OSBP2: variants seen among roughly 807,000 people sequenced by gnomAD.
OSBP2 encodes oxysterol-binding protein 2.
Under a neutral mutation model 96.0 loss-of-function variants are expected in OSBP2, and 66 were observed. The observed-to-expected ratio is 0.69, with a 90% CI of 0.56 to 0.84. The LOEUF (loss-of-function observed/expected upper bound fraction) is 0.84, where lower values mean the gene tolerates loss of function less well. OSBP2 is among the 40% of genes least tolerant of loss of function. The pLI is 0.00. For missense variants in OSBP2, 1,038 were observed against 1,222.7 expected, an observed-to-expected ratio of 0.85 and a Z score of 2.25; for synonymous variants, 525 against 520.9, an observed-to-expected ratio of 1.01 and a Z score of -0.11.
At chr22:30,774,780 G>A (rs553451145) in intron 2 of OSBP2, among the ~76,000 whole-genome samples, 9 of 152,216 alleles carry the variant, frequency 5.9e-5, no homozygotes, top group Non-Finnish European at 1.2e-4. Flanking sequence ...ATACATCTGT[G>A]GCACCACTTT....
At chr22:30,761,541 C>CA (rs1300554238) in intron 2 of OSBP2, among the ~76,000 whole-genome samples, 6 of 151,470 alleles carry the variant, frequency 4.0e-5, no homozygotes, top group East Asian at 3.9e-4. Context: ...AATGCAATTC[C>CA]AAAAAAAATC....
chr22:30,754,692 T>A (rs2090119757), intron 2 of OSBP2, among the ~76,000 whole-genome samples: 1 of 152,180 alleles, frequency 6.6e-6, no homozygotes, highest in Admixed American at 6.5e-5. Context: ...TGTGCTGTGC[T>A]GTCCTGCCCC....
intron 2 of OSBP2, among the ~76,000 whole-genome samples, chr22:30,854,998 C>T (rs1447305791): frequency 4.6e-5 from 7 of 152,030 alleles, no homozygotes; most frequent in East Asian, 1.9e-4. Flanking sequence ...ACCATCAGAT[C>T]GCGTGGGAAC....
rs551189319 is a variant in OSBP2, at chr22:30,890,527, G to A, written c.1624-201G>A. ...GTAGGATGCAGCAGACCAGAAAGTG[G>A]GAAGGGCTGTGGAGAAAACAGCCAG... On this transcript the variant is annotated intron_variant, in intron 7 of 13. Transcript: ENST00000332585. The surrounding 1 kb of genome is among the most constrained non-coding windows in gnomAD (Gnocchi z 4.4). 1.3e-5 allele frequency among the ~76,000 whole-genome samples: 2 copies of A among 152,350 alleles called. No homozygotes were observed. Among genetic ancestry groups the A allele is most frequent in the South Asian group, 4.1e-4 (2 of 4,828 alleles).
At chr22:30,730,175 C>A (rs777017022) in intron 1 of OSBP2, among the ~76,000 whole-genome samples, 9 of 152,078 alleles carry the variant, frequency 5.9e-5, no homozygotes, top group Non-Finnish European at 1.0e-4. Flanking sequence ...GTTTCCCAGG[C>A]TAGTCTCAAA....
chr22:30,858,844 A>C (rs1432564414), intron 2 of OSBP2, among the ~76,000 whole-genome samples: 1 of 150,528 alleles, frequency 6.6e-6, no homozygotes, highest in Non-Finnish European at 1.5e-5. Context: ...GTACCACTGC[A>C]CTCCAGGCTG....
chr22:30,846,090 T>C (rs1009425921), intron 2 of OSBP2, among the ~76,000 whole-genome samples: 6 of 152,128 alleles, frequency 3.9e-5, no homozygotes, highest in Non-Finnish European at 7.4e-5. Flanking sequence ...CTGGGTTATA[T>C]AATGACTGCC....
intron 12 of OSBP2, among the ~76,000 whole-genome samples, chr22:30,904,261 C>A (rs1164913951): frequency 6.6e-6 from 1 of 152,176 alleles, no homozygotes; most frequent in African/African-American, 2.4e-5. Flanking sequence ...TTGTTACAAG[C>A]CCTCCGCAAT....
At chr22:30,874,898 C>A (rs2039545250) in intron 3 of OSBP2, among the ~76,000 whole-genome samples, 1 of 152,158 alleles carries the variant, frequency 6.6e-6, no homozygotes, top group Non-Finnish European at 1.5e-5. Context: ...ACCCCGGCTC[C>A]CAGGCATACG....
chr22:30,763,227 A>G (rs1279431980), intron 2 of OSBP2, among the ~76,000 whole-genome samples: 1 of 152,238 alleles, frequency 6.6e-6, no homozygotes. Context: ...GCAGCTTTAA[A>G]ATAATACAGG....
intron 1 of OSBP2, among the ~76,000 whole-genome samples, chr22:30,710,136 C>T (rs1361243223): frequency 4.0e-5 from 6 of 150,810 alleles, no homozygotes; most frequent in African/African-American, 1.5e-4. Flanking sequence ...TTCCCCCACT[C>T]AGCCTCCCAA....
chr22:30,811,336 A>C, intron 2 of OSBP2, among the ~76,000 whole-genome samples: 1 of 16,542 alleles, frequency 6.0e-5, no homozygotes, highest in Admixed American at 3.7e-4. Context: ...TATTTATTTT[A>C]TTTATTTATT....
At chr22:30,783,193 A>T (rs546418425) in intron 2 of OSBP2, among the ~76,000 whole-genome samples, 1 of 147,958 alleles carries the variant, frequency 6.8e-6, no homozygotes, top group South Asian at 2.2e-4. Context: ...GAATTTAGTG[A>T]AGGCAGCTCA....
intron 2 of OSBP2, among the ~76,000 whole-genome samples, chr22:30,869,708 CT>C (rs2039419098): frequency 6.6e-6 from 1 of 152,122 alleles, no homozygotes; most frequent in South Asian, 2.1e-4. Flanking sequence ...GCTAATTTTT[CT>C]ATTTTTTGTA....
At chr22:30,819,053 G>A (rs1301950929) in intron 2 of OSBP2, among the ~76,000 whole-genome samples, 1 of 152,188 alleles carries the variant, frequency 6.6e-6, no homozygotes, top group African/African-American at 2.4e-5. Context: ...GACACCCGTG[G>A]GCCAGGTGCT....
At chr22:30,772,377 G>A (rs1351638134) in intron 2 of OSBP2, among the ~76,000 whole-genome samples, 2 of 152,280 alleles carry the variant, frequency 1.3e-5, no homozygotes, top group African/African-American at 2.4e-5. Context: ...CGTGCCTGTC[G>A]TGGAAGACCT....
chr22:30,762,042 G>A (rs1234686644), intron 2 of OSBP2, among the ~76,000 whole-genome samples: 4 of 150,114 alleles, frequency 2.7e-5, no homozygotes, highest in East Asian at 2.0e-4. Context: ...GCGATATGGC[G>A]AAACTCCATC....
intron 2 of OSBP2, among the ~76,000 whole-genome samples, chr22:30,791,321 C>CT (rs869143598): frequency 0.023 from 1,498 of 64,000 alleles, 75 homozygotes; most frequent in African/African-American, 0.035. Flanking sequence ...GGGGATTCTT[C>CT]TTTTTTTTTT....
At chr22:30,906,153 C>G (rs756901191) in intron 13 of OSBP2, 44 bp from the exon 14 acceptor site, 1 of 1,612,858 alleles carries the variant, frequency 6.2e-7, no homozygotes, top group Non-Finnish European at 8.5e-7. Context: ...TCCGGGGGAG[C>G]AGGCCACAAG....
Sources: allele counts gnomAD v4.1 joint callset (sites outside exome capture counted in the v4.1 genomes callset), GRCh38; gene constraint gnomAD v4.1.1; non-coding constraint Gnocchi (gnomAD v3.1); transcripts MANE v1.5; gene names NCBI Gene and HGNC (gene_info 2026-07-23, HGNC 2026-07-21).